Variants in PCGF5 observed in about 807,000 individuals in gnomAD.
PCGF5 encodes polycomb group ring finger 5.
PCGF5 carries 9 observed loss-of-function variants against 44.3 expected under a neutral mutation model. That is an observed-to-expected ratio of 0.20 (90% CI 0.12 to 0.35). PCGF5 has a LOEUF of 0.35. Among genes scored for constraint, PCGF5 ranks in the 10% least tolerant of loss-of-function variants. The probability of loss-of-function intolerance (pLI) is 1.00; values close to 1 mark genes in which losing one functional copy is unlikely to be tolerated. For synonymous variants in PCGF5, 95 were observed against 102.5 expected (o/e 0.93, Z 0.44); for missense variants, 146 against 305.3 (o/e 0.48, Z 3.89).
intron 7 of PCGF5, among the ~76,000 whole-genome samples, chr10:91,263,861 G>A (rs180853894): frequency 5.3e-4 from 81 of 152,264 alleles, no homozygotes; most frequent in East Asian, 5.8e-4. Flanking sequence ...TGGCATAGTC[G>A]TAACTTTTGT....
intron 1 of PCGF5, among the ~76,000 whole-genome samples, chr10:91,184,571 T>C (rs891446365): frequency 6.6e-6 from 1 of 152,214 alleles, no homozygotes; most frequent in Admixed American, 6.5e-5. Flanking sequence ...AGCCATGTTG[T>C]CCTCAGCCCA....
intron 1 of PCGF5, among the ~76,000 whole-genome samples, chr10:91,176,002 G>A (rs1487844053): frequency 2.0e-5 from 3 of 152,152 alleles, no homozygotes; most frequent in Admixed American, 6.5e-5. Context: ...TTTCTTCCTA[G>A]CCTCCACGGT....
At chr10:91,251,533 G>T (rs556000042) in intron 6 of PCGF5, 93 bp downstream of exon 6, 2 of 1,237,296 alleles carry the variant, frequency 1.6e-6, no homozygotes, top group African/African-American at 3.1e-5. Context: ...CAAAATGTTT[G>T]CTTTCAAAGT....
chr10:91,198,367 A>G (rs1053624155), intron 1 of PCGF5, among the ~76,000 whole-genome samples: 2 of 152,144 alleles, frequency 1.3e-5, no homozygotes, highest in African/African-American at 4.8e-5. Context: ...GTAGTCACTC[A>G]TCCTTTTGAT....
At chr10:91,234,068 A>ACTCTT (rs1845086261) in intron 2 of PCGF5, among the ~76,000 whole-genome samples, 1 of 152,220 alleles carries the variant, frequency 6.6e-6, no homozygotes, top group South Asian at 2.1e-4. Context: ...TGTGATACAT[A>ACTCTT]AGAGACCTGG....
intron 1 of PCGF5, among the ~76,000 whole-genome samples, chr10:91,207,186 TTTTA>T (rs1844363285): frequency 6.6e-6 from 1 of 152,226 alleles, no homozygotes; most frequent in Admixed American, 6.5e-5. Context: ...TATCATTTAC[TTTTA>T]TTTAAGTTTA....
chr10:91,218,044 C>T (rs1331492828), upstream of PCGF5, among the ~76,000 whole-genome samples: 1 of 152,198 alleles, frequency 6.6e-6, no homozygotes, highest in Non-Finnish European at 1.5e-5. Context: ...GCCTTGGCCT[C>T]CCAAAGTGCT....
At chr10:91,197,345 C>T (rs1453175744) in intron 1 of PCGF5, among the ~76,000 whole-genome samples, 2 of 152,082 alleles carry the variant, frequency 1.3e-5, no homozygotes, top group East Asian at 1.9e-4. Context: ...GTGACTGCTC[C>T]GTGATGTATT....
chr10:91,272,809 C>T (rs1337452268), intron 9 of PCGF5, among the ~76,000 whole-genome samples: 2 of 152,004 alleles, frequency 1.3e-5, no homozygotes, highest in East Asian at 1.9e-4. Flanking sequence ...TAAAATCCAC[C>T]GTTCTTTTAT....
At chr10:91,227,290 C>A in intron 2 of PCGF5, 2 of 564,314 alleles carry the variant, frequency 3.5e-6, no homozygotes, top group Non-Finnish European at 6.1e-6. Context: ...GCTACCTGTG[C>A]TGAGGCCTCT....
upstream of PCGF5, among the ~76,000 whole-genome samples, chr10:91,158,688 C>G (rs1354010070): frequency 6.6e-6 from 1 of 152,154 alleles, no homozygotes; most frequent in East Asian, 1.9e-4. Flanking sequence ...AATTTGTTCT[C>G]TTCCATCACA....
At chr10:91,185,292 A>T (rs1244871481) in intron 1 of PCGF5, among the ~76,000 whole-genome samples, 4 of 152,088 alleles carry the variant, frequency 2.6e-5, no homozygotes, top group Non-Finnish European at 5.9e-5. Context: ...CAGTCTGGCC[A>T]TGTTTTGGTA....
intron 1 of PCGF5, among the ~76,000 whole-genome samples, chr10:91,180,863 A>G (rs1843805453): frequency 6.6e-6 from 1 of 152,186 alleles, no homozygotes; most frequent in South Asian, 2.1e-4. Context: ...GAATTTTAAA[A>G]TAGTTTCTTC....
chr10:91,228,567 G>A (rs1189955827), intron 2 of PCGF5, among the ~76,000 whole-genome samples: 1 of 152,086 alleles, frequency 6.6e-6, no homozygotes, highest in African/African-American at 2.4e-5. Flanking sequence ...TAATATAGTT[G>A]ACGTGATAAG....
intron 1 of PCGF5, among the ~76,000 whole-genome samples, chr10:91,188,319 C>G (rs1843964085): frequency 6.6e-6 from 1 of 152,144 alleles, no homozygotes; most frequent in South Asian, 2.1e-4. Flanking sequence ...AAAGGGGTGA[C>G]AGACAGTACC....
intron 6 of PCGF5, among the ~76,000 whole-genome samples, chr10:91,254,631 CA>C: frequency 6.6e-6 from 1 of 152,056 alleles, no homozygotes; most frequent in South Asian, 2.1e-4. Context: ...CATTCCTCTG[CA>C]GTAGGATGTG....
chr10:91,158,686 C>A (rs1378707422), upstream of PCGF5, among the ~76,000 whole-genome samples: 1 of 152,138 alleles, frequency 6.6e-6, no homozygotes, highest in South Asian at 2.1e-4. Flanking sequence ...GAAATTTGTT[C>A]TCTTCCATCA....
chr10:91,224,253 C>T (rs1305698907), intron 2 of PCGF5, among the ~76,000 whole-genome samples: 1 of 152,138 alleles, frequency 6.6e-6, no homozygotes, highest in East Asian at 1.9e-4. Context: ...GATGTATACT[C>T]CTTTGGGGTA....
At chr10:91,193,634 C>A (rs1844075736) in intron 1 of PCGF5, among the ~76,000 whole-genome samples, 1 of 151,834 alleles carries the variant, frequency 6.6e-6, no homozygotes, top group Non-Finnish European at 1.5e-5. Context: ...GGGTGGAGAC[C>A]ATGAAGGGCT....
Sources: gnomAD v4.1 joint callset for allele counts (sites outside exome capture counted in the v4.1 genomes callset) on GRCh38, gnomAD v4.1.1 for gene constraint, MANE v1.5 for transcripts, NCBI Gene and HGNC (gene_info 2026-07-23, HGNC 2026-07-21) for gene names.